The following FREM1 variants were observed in gnomAD, a reference collection of about 807,000 sequenced individuals.
FREM1 encodes FRAS1 related extracellular matrix 1, also known as FRAS1-related extracellular matrix protein 1.
A neutral mutation model predicts 210.1 loss-of-function variants in FREM1; 220 were observed. That is an observed-to-expected ratio of 1.05 (90% CI 0.94 to 1.17). The LOEUF is 1.17. Among genes scored for constraint, FREM1 ranks in the 50% most tolerant of loss-of-function variants. The pLI, the probability that FREM1 is intolerant of heterozygous loss-of-function variation, is 0.00. For synonymous variants in FREM1, 1,189 were observed against 980.2 expected (o/e 1.21, Z -3.98); for missense variants, 3,454 against 2,675.5 (o/e 1.29, Z -6.42).
intron 3 of FREM1, among the ~76,000 whole-genome samples, chr9:14,860,900 T>C (rs1283431546): frequency 4.9e-5 from 6 of 122,746 alleles, no homozygotes; most frequent in Admixed American, 1.7e-4. Context: ...TATACATATA[T>C]ACACATATAC....
chr9:14,895,115 G>A (rs1837478315), intron 1 of FREM1, among the ~76,000 whole-genome samples: 1 of 152,184 alleles, frequency 6.6e-6, no homozygotes, highest in Admixed American at 6.5e-5. Flanking sequence ...ACAGGTATTT[G>A]AGGGTACAAA....
At chr9:14,748,270 A>G (rs2132023979) in intron 31 of FREM1, 131 bp downstream of exon 31, 1 of 633,422 alleles carries the variant, frequency 1.6e-6, no homozygotes, top group South Asian at 2.1e-5. Context: ...ATAACTGTGC[A>G]AGGAACCATG....
At chr9:14,786,715 C>G (rs1205605641) in intron 23 of FREM1, among the ~76,000 whole-genome samples, 1 of 152,238 alleles carries the variant, frequency 6.6e-6, no homozygotes, top group African/African-American at 2.4e-5. Flanking sequence ...TTTCAGATTA[C>G]TAAATTGGTC....
At chr9:14,844,483 C>G (rs1826249709) in intron 8 of FREM1, among the ~76,000 whole-genome samples, 1 of 152,180 alleles carries the variant, frequency 6.6e-6, no homozygotes, top group African/African-American at 2.4e-5. Context: ...TCTCGGCCTC[C>G]CAAAGTGCTG....
At chr9:14,742,005 G>C (rs1321589211) in intron 35 of FREM1, among the ~76,000 whole-genome samples, 1 of 152,038 alleles carries the variant, frequency 6.6e-6, no homozygotes, top group Non-Finnish European at 1.5e-5. Context: ...CTTCAAGACA[G>C]GTAAAATGTT....
chr9:14,811,504 G>A (rs1445792807), intron 16 of FREM1, among the ~76,000 whole-genome samples: 1 of 152,074 alleles, frequency 6.6e-6, no homozygotes, highest in Non-Finnish European at 1.5e-5. Flanking sequence ...AGTACCTAGT[G>A]GTGAACTCCT....
rs1820207838 is a variant in FREM1 at position 14,815,851 on chromosome 9, T to G, written c.2640+927A>C. On this transcript the variant is annotated intron_variant, in intron 15 of 36. Coordinates refer to ENST00000380880, the MANE Select transcript of FREM1 (RefSeq NM_001379081.2). ...TTAATAGAGACAGGGTTTCGCCATTTTGGACAGGGTGGTCTTGAAATCCTG... is the reference window on the plus strand; with the variant it reads ...TTAATAGAGACAGGGTTTCGCCATTGTGGACAGGGTGGTCTTGAAATCCTG... Among the ~76,000 whole-genome samples, 8 of 152,178 alleles carry G rather than the reference T, an allele frequency of 5.3e-5. 1 individual carries two copies. In the South Asian group the frequency reaches 1.7e-3, roughly 32 times the overall value.
intron 20 of FREM1, among the ~76,000 whole-genome samples, chr9:14,799,577 C>A (rs1309440069): frequency 1.3e-5 from 2 of 151,474 alleles, no homozygotes; most frequent in African/African-American, 4.9e-5. Flanking sequence ...TAGATAATAA[C>A]CAACAAATGT....
intron 28 of FREM1, among the ~76,000 whole-genome samples, chr9:14,759,418 G>A (rs1045564341): frequency 6.6e-6 from 1 of 150,560 alleles, no homozygotes; most frequent in Non-Finnish European, 1.5e-5. Context: ...CCTGAGGCAG[G>A]AGAATCACTT....
chr9:14,745,372 T>G (rs937335287), intron 35 of FREM1, among the ~76,000 whole-genome samples: 39 of 152,220 alleles, frequency 2.6e-4, no homozygotes, highest in African/African-American at 9.4e-4. Flanking sequence ...TTCATTTACC[T>G]AATATCTAAC....
intron 10 of FREM1, among the ~76,000 whole-genome samples, chr9:14,827,005 A>G (rs771106940): frequency 2.6e-5 from 4 of 152,358 alleles, no homozygotes; most frequent in Middle Eastern, 3.4e-3. Flanking sequence ...ATGGACTAAG[A>G]CAGAGTTAGG....
At chr9:14,857,937 G>C (rs1334196456) in intron 4 of FREM1, among the ~76,000 whole-genome samples, 188 bp from the exon 5 acceptor site, 1 of 152,036 alleles carries the variant, frequency 6.6e-6, no homozygotes, top group Admixed American at 6.6e-5. Context: ...ACTGAAAAAC[G>C]GTTGACCAGT....
intron 20 of FREM1, among the ~76,000 whole-genome samples, chr9:14,798,820 G>T (rs1852936993): frequency 6.6e-6 from 1 of 151,932 alleles, no homozygotes; most frequent in South Asian, 2.1e-4. Flanking sequence ...GTTACAGACA[G>T]GTGTGACCAC....
chr9:14,772,710 A>G (rs1196333585), intron 25 of FREM1, among the ~76,000 whole-genome samples: 2 of 152,204 alleles, frequency 1.3e-5, no homozygotes, highest in Non-Finnish European at 2.9e-5. Context: ...ATTGGGTATT[A>G]AATTGTCATT....
intron 1 of FREM1, among the ~76,000 whole-genome samples, chr9:14,896,166 C>T (rs973515613): frequency 6.6e-6 from 1 of 152,212 alleles, no homozygotes; most frequent in African/African-American, 2.4e-5. Flanking sequence ...TGATCGTCCT[C>T]ACTGCTACCC....
In FREM1 at chr9:14,791,430, G is replaced by A. The variant is rs529215902; in HGVS notation, c.3981+1313C>T. Among the ~76,000 whole-genome samples the A allele has an allele frequency of 5.3e-5, 8 of 152,232 alleles. No homozygotes were observed. The South Asian group carries it at 1.7e-3, about 32-fold the overall frequency. ...TACAATTCCAGGAATGTTAATTTAC[G>A]GTGTCATGCAGTTCATGGGATTCAA... On this transcript the variant is annotated intron_variant, in intron 22 of 36. Transcript: ENST00000380880.
intron 27 of FREM1, 92 bp downstream of exon 27, chr9:14,769,632 G>C: frequency 7.7e-7 from 1 of 1,291,818 alleles, no homozygotes; most frequent in Non-Finnish European, 1.1e-6. Context: ...ATCTTCTTGG[G>C]TTCTGTTTTA....
rs1295158592 is a variant in FREM1, at chr9:14,812,823, T to C, written c.2882A>G (p.Tyr961Cys). Residue 961 changes from tyrosine to cysteine, a missense_variant, in exon 16 of 37, where the codon TAC (tyrosine) becomes TGC (cysteine). Physicochemically the swap from Tyr to Cys is radical, Grantham distance 194. Coordinates refer to ENST00000380880, the MANE Select transcript of FREM1 (RefSeq NM_001379081.2). ...ATGCTGCTGCTTACCTGTGTGTTTG[T>C]ATGTCACGGCCTCTGAGATAACATC... ...QRDVISEAVTYKHTGGEIGLM... is the reference protein window; with the variant it reads ...QRDVISEAVTCKHTGGEIGLM... The C allele has an allele frequency of 1.2e-6, 2 of 1,609,010 alleles. No individual in the cohort carries two copies. The highest frequency in any genetic ancestry group is 1.3e-5 in the African/African-American group (1 of 75,000).
chr9:14,816,267 T>C lies in FREM1; in HGVS notation c.2640+511A>G, dbSNP rs1383332220. ...AGATTAGAGAGAGACAATAGCATAG[T>C]ACTACTACTTCATCATTACAACTTT... On this transcript the variant is annotated intron_variant, in intron 15 of 36. Transcript: ENST00000380880. Among the ~76,000 whole-genome samples, 5 of 152,194 alleles carry C rather than the reference T, an allele frequency of 3.3e-5. No individual in the cohort carries two copies. In the East Asian group the frequency reaches 9.6e-4, roughly 29 times the overall value.
Sources: gnomAD v4.1 joint callset for allele counts (sites outside exome capture counted in the v4.1 genomes callset) on GRCh38, gnomAD v4.1.1 for gene constraint, MANE v1.5 for transcripts, NCBI Gene and HGNC (gene_info 2026-07-23, HGNC 2026-07-21) for gene names.